Variants in EYS observed in about 807,000 individuals in gnomAD.
EYS encodes the protein protein eyes shut homolog.
EYS carries 250 observed loss-of-function variants against 282.1 expected under a neutral mutation model. That is an observed-to-expected ratio of 0.89 (90% CI 0.80 to 0.98). The LOEUF is 0.98. EYS is among the 50% of genes least tolerant of loss of function. EYS has a pLI of 0.00. For synonymous variants in EYS, 1,355 were observed against 1,282.9 expected, an observed-to-expected ratio of 1.06 and a Z score of -1.20; for missense variants, 4,016 against 3,709.0, an observed-to-expected ratio of 1.08 and a Z score of -2.15.
chr6:65,610,035 A>G (rs1765937656), intron 2 of EYS, among the ~76,000 whole-genome samples: 1 of 151,962 alleles, frequency 6.6e-6, no homozygotes, highest in Admixed American at 6.6e-5. Context: ...AGCAGTTGGG[A>G]CTACAGGTGC....
In EYS at chr6:64,389,863, G is replaced by A. The variant is rs58425945; in HGVS notation, c.5928-1023C>T. On this transcript the variant is annotated intron_variant, in intron 28 of 42. Coordinates refer to ENST00000503581, the MANE Select transcript of EYS (RefSeq NM_001142800.2). Reference sequence around the variant, plus strand: ...TTCTGCCATTTCCATCTGAGGTACCGGGTTCATCTCACTAGGGAGTGCCAG... The same window carrying A: ...TTCTGCCATTTCCATCTGAGGTACCAGGTTCATCTCACTAGGGAGTGCCAG... Among the ~76,000 whole-genome samples the A allele has an allele frequency of 5.6e-3, 847 of 152,208 alleles. 7 individuals carry two copies. Among genetic ancestry groups the A allele is most frequent in the African/African-American group, 0.019 (784 of 41,536 alleles).
chr6:64,207,705 C>T (rs938810725), intron 31 of EYS, among the ~76,000 whole-genome samples: 7 of 151,960 alleles, frequency 4.6e-5, no homozygotes, highest in African/African-American at 7.3e-5. Flanking sequence ...TCACCCAGGC[C>T]GGAGTGCAGT....
rs535643090 is a variant in EYS, at chr6:65,345,478, A to G, written c.1460-1301T>C. ...GAATACTTTATTGAAAATTTGGAGA[A>G]CTTTAATAGAAGGCCATATATTTCA... On this transcript the variant is annotated intron_variant, in intron 9 of 42. Transcript: ENST00000503581. Among the ~76,000 whole-genome samples, 6 of 151,926 alleles carry G rather than the reference A, an allele frequency of 3.9e-5. No homozygotes were observed. The East Asian group carries it at 1.2e-3, about 30-fold the overall frequency.
chr6:64,159,564 A>C (rs1775039714), intron 31 of EYS, among the ~76,000 whole-genome samples: 1 of 142,286 alleles, frequency 7.0e-6, no homozygotes, highest in Admixed American at 6.8e-5. Flanking sequence ...TGTCTTAAAA[A>C]AAAAAAAAAA....
chr6:65,397,084 T>C (rs1488322387), intron 7 of EYS, among the ~76,000 whole-genome samples: 1 of 151,940 alleles, frequency 6.6e-6, no homozygotes, highest in Non-Finnish European at 1.5e-5. Context: ...AATATGAGTG[T>C]CCCAAGTCTC....
chr6:65,541,857 G>T (rs1416809880), intron 2 of EYS, among the ~76,000 whole-genome samples: 1 of 152,026 alleles, frequency 6.6e-6, no homozygotes, highest in African/African-American at 2.4e-5. Flanking sequence ...GAACATTTAA[G>T]AAATGAGTGA....
intron 39 of EYS, among the ~76,000 whole-genome samples, chr6:63,786,706 A>G (rs192235190): frequency 6.6e-5 from 10 of 152,152 alleles, no homozygotes; most frequent in East Asian, 3.9e-4. Flanking sequence ...TAAAAAAAAA[A>G]AGAGATAATT....
intron 22 of EYS, among the ~76,000 whole-genome samples, chr6:64,641,051 A>G (rs1228847684): frequency 1.3e-5 from 2 of 152,200 alleles, no homozygotes; most frequent in Non-Finnish European, 2.9e-5. Flanking sequence ...CCAAAGCTAT[A>G]TCTTCACAAT....
At chr6:65,119,456 C>A (rs1234172885) in intron 12 of EYS, among the ~76,000 whole-genome samples, 1 of 151,866 alleles carries the variant, frequency 6.6e-6, no homozygotes, top group Non-Finnish European at 1.5e-5. Context: ...TATTATGATT[C>A]AAATATAGGT....
At chr6:65,425,661 A>C (rs2150380117) in intron 5 of EYS, among the ~76,000 whole-genome samples, 1 of 152,222 alleles carries the variant, frequency 6.6e-6, no homozygotes, top group South Asian at 2.1e-4. Flanking sequence ...TAGAAATTTA[A>C]ACAGTGAGCA....
chr6:65,682,424 A>G (rs1333505604), intron 1 of EYS, among the ~76,000 whole-genome samples: 1 of 151,954 alleles, frequency 6.6e-6, no homozygotes, highest in Non-Finnish European at 1.5e-5. Context: ...CTATCCTAAC[A>G]TATGTCATAA....
At chr6:63,884,031 T>C (rs931868291) in intron 35 of EYS, among the ~76,000 whole-genome samples, 1 of 152,230 alleles carries the variant, frequency 6.6e-6, no homozygotes, top group African/African-American at 2.4e-5. Context: ...TTTACTTGTA[T>C]TGTACCTAGA....
intron 31 of EYS, among the ~76,000 whole-genome samples, chr6:64,148,916 C>T (rs1774611551): frequency 6.6e-6 from 1 of 151,886 alleles, no homozygotes; most frequent in Admixed American, 6.6e-5. Flanking sequence ...TGAAAAAACC[C>T]AGGAGAAAAT....
In EYS at chr6:64,656,382, C is replaced by G. The variant is rs111577447; in HGVS notation, c.3444-30137G>C. Among the ~76,000 whole-genome samples the G allele has an allele frequency of 4.2e-3, 635 of 152,084 alleles. 3 individuals carry two copies. The highest frequency in any genetic ancestry group is 0.014 in the African/African-American group (585 of 41,508). ...CAGGCACATATTTAGTCAACTAACC[C>G]TACAACCTTGACTGATTGATGGAGA... is the stretch of plus-strand genomic sequence containing the variant. On this transcript the variant is annotated intron_variant, in intron 22 of 42. Coordinates refer to ENST00000503581, the MANE Select transcript of EYS (RefSeq NM_001142800.2).
In EYS at chr6:65,050,645, T is replaced by C. The variant is rs1773243793; in HGVS notation, c.2137+6969A>G. ...TTTTATACTCCAAGAATCTTTAGTA[T>C]AGCTGTAGATTGAGTAGACTGGAGC... is the stretch of plus-strand genomic sequence containing the variant. On this transcript the variant is annotated intron_variant, in intron 13 of 42. Coordinates refer to ENST00000503581, the MANE Select transcript of EYS (RefSeq NM_001142800.2). Among the ~76,000 whole-genome samples the C allele has an allele frequency of 2.6e-5, 4 of 151,638 alleles. No individual in the cohort carries two copies. The South Asian group carries it at 8.3e-4, about 31-fold the overall frequency.
chr6:65,575,798 A>G (rs9294643), intron 2 of EYS, among the ~76,000 whole-genome samples: 98,073 of 151,846 alleles, frequency 0.65, 33,154 homozygotes, highest in African/African-American at 0.85. Flanking sequence ...AGGATCTTGA[A>G]ACCACTTTAA....
intron 12 of EYS, among the ~76,000 whole-genome samples, chr6:65,221,755 C>T (rs1033941982): frequency 2.0e-5 from 3 of 152,100 alleles, no homozygotes; most frequent in East Asian, 1.9e-4. Context: ...TTGCACCATG[C>T]ACCTAGAAAA....
chr6:65,274,956 A>T (rs915299771), intron 12 of EYS, among the ~76,000 whole-genome samples: 1 of 151,890 alleles, frequency 6.6e-6, no homozygotes, highest in African/African-American at 2.4e-5. Flanking sequence ...TGGCCTCTTT[A>T]GATTTTAGAG....
chr6:65,670,677 A>G (rs1230625005), intron 1 of EYS, among the ~76,000 whole-genome samples: 2 of 152,066 alleles, frequency 1.3e-5, no homozygotes. Flanking sequence ...ACCTTATTTC[A>G]AGAAAAAAGC....
Sources: allele counts gnomAD v4.1 joint callset (sites outside exome capture counted in the v4.1 genomes callset), GRCh38; gene constraint gnomAD v4.1.1; transcripts MANE v1.5; gene names NCBI Gene and HGNC (gene_info 2026-07-23, HGNC 2026-07-21).